The following TTC28 variants were observed in gnomAD, a reference collection of about 807,000 sequenced individuals.
TTC28 encodes the protein tetratricopeptide repeat protein 28.
Under a neutral mutation model 198.0 loss-of-function variants are expected in TTC28, and 61 were observed. The ratio of observed to expected loss-of-function variants is 0.31; its 90% CI spans 0.25 to 0.38. The LOEUF is 0.38. Among genes scored for constraint, TTC28 ranks in the 10% least tolerant of loss-of-function variants. The pLI is 1.00. For missense variants in TTC28, 2,678 were observed against 3,164.0 expected (o/e 0.85, Z 3.69); for synonymous variants, 1,171 against 1,297.8 (o/e 0.90, Z 2.10).
intron 2 of TTC28, among the ~76,000 whole-genome samples, chr22:28,354,344 C>A (rs1569278618): frequency 6.6e-6 from 1 of 151,322 alleles, no homozygotes; most frequent in African/African-American, 2.4e-5. Flanking sequence ...ATTATTCAGC[C>A]AAAAAAAATG....
At chr22:28,079,333 A>T (rs974755345) in intron 12 of TTC28, among the ~76,000 whole-genome samples, 2 of 150,560 alleles carry the variant, frequency 1.3e-5, no homozygotes, top group African/African-American at 5.0e-5. Flanking sequence ...GATTGATTAA[A>T]TATGTATTTT....
chr22:28,388,106 T>C (rs939913416), intron 2 of TTC28, among the ~76,000 whole-genome samples: 7 of 152,232 alleles, frequency 4.6e-5, no homozygotes, highest in African/African-American at 1.7e-4. Context: ...TAGGGAATCC[T>C]TTCCCCATTG....
chr22:28,030,481 TC>T, intron 12 of TTC28, 115 bp from the exon 13 acceptor site: 1 of 1,316,994 alleles, frequency 7.6e-7, no homozygotes, highest in Non-Finnish European at 1.0e-6. Context: ...TACCGTTGTC[TC>T]CAGATGACAG....
At chr22:28,428,876 G>A (rs547214366) in intron 2 of TTC28, among the ~76,000 whole-genome samples, 28 of 152,090 alleles carry the variant, frequency 1.8e-4, no homozygotes, top group African/African-American at 6.5e-4. Flanking sequence ...TCCTGACCTC[G>A]TGATCTGCCC....
At chr22:28,094,620 T>C (rs553313902) in intron 11 of TTC28, among the ~76,000 whole-genome samples, 40 of 152,290 alleles carry the variant, frequency 2.6e-4, no homozygotes, top group African/African-American at 9.6e-4. Context: ...CTTATAGAAA[T>C]TGAAATCCCA....
chr22:28,594,922 G>A (rs554390900), intron 2 of TTC28, among the ~76,000 whole-genome samples: 22 of 152,216 alleles, frequency 1.4e-4, no homozygotes, highest in African/African-American at 5.3e-4. Flanking sequence ...CTGCCTCCTG[G>A]GGGTTATAGT....
At chr22:28,638,744 A>AT (rs976931700) in intron 1 of TTC28, among the ~76,000 whole-genome samples, 52 of 152,266 alleles carry the variant, frequency 3.4e-4, no homozygotes, top group Non-Finnish European at 4.0e-4. Flanking sequence ...TAAAGACAAT[A>AT]TTTTTTTACC....
chr22:27,996,885 G>A (rs1255271353), intron 16 of TTC28, among the ~76,000 whole-genome samples: 1 of 152,084 alleles, frequency 6.6e-6, no homozygotes, highest in African/African-American at 2.4e-5. Flanking sequence ...TAACAAGAGA[G>A]CATCACTAAA....
chr22:28,093,618 G>A (rs955267477), intron 12 of TTC28, among the ~76,000 whole-genome samples: 1 of 152,098 alleles, frequency 6.6e-6, no homozygotes, highest in Non-Finnish European at 1.5e-5. Context: ...TCATATTTGA[G>A]AGTTCAGCTC....
intron 2 of TTC28, among the ~76,000 whole-genome samples, chr22:28,392,344 C>T (rs1198369005): frequency 6.6e-6 from 1 of 152,198 alleles, no homozygotes; most frequent in African/African-American, 2.4e-5. Flanking sequence ...GGCAGGCAGG[C>T]CTCCTTGAGT....
In TTC28 at chr22:28,105,818, C is replaced by T. The variant is rs201366902; in HGVS notation, c.2784-16G>A. 1.3e-6 allele frequency: 2 copies of T among 1,533,804 alleles called. No homozygotes were observed. The highest frequency in any genetic ancestry group is 1.8e-6 in the Non-Finnish European group (2 of 1,140,146). ...CCCCATTGCCCTGTGGGGATGTAGA[C>T]AGAAAAGCAATGATATTATTTCATG... is the stretch of plus-strand genomic sequence containing the variant. On this transcript the variant is annotated splice_polypyrimidine_tract_variant and intron_variant, in intron 7 of 22. Transcript: ENST00000397906.
chr22:28,390,216 T>A (rs1476520561), intron 2 of TTC28, among the ~76,000 whole-genome samples: 1 of 152,180 alleles, frequency 6.6e-6, no homozygotes, highest in Non-Finnish European at 1.5e-5. Context: ...GATAGTTTGT[T>A]ATAATTTCTG....
intron 2 of TTC28, among the ~76,000 whole-genome samples, chr22:28,392,684 C>T (rs2046749511): frequency 6.6e-6 from 1 of 152,164 alleles, no homozygotes; most frequent in Non-Finnish European, 1.5e-5. Flanking sequence ...TGAGGCAATG[C>T]CTCGCCCTGC....
intron 12 of TTC28, among the ~76,000 whole-genome samples, chr22:28,071,237 T>C (rs1940955538): frequency 6.6e-6 from 1 of 152,096 alleles, no homozygotes; most frequent in African/African-American, 2.4e-5. Flanking sequence ...ACTGGGTATA[T>C]ACCCAAATGA....
rs990475501 is a variant in TTC28 at position 28,163,172 on chromosome 22, T to A, written c.1361A>T (p.Lys454Ile). 29 of 1,551,612 alleles carry A rather than the reference T, an allele frequency of 1.9e-5. No homozygotes were observed. The highest frequency in any genetic ancestry group is 2.5e-5 in the Non-Finnish European group (29 of 1,147,006). The change falls in exon 6 of 23, where the codon AAA becomes ATA. Residue 454 changes from lysine to isoleucine, a missense_variant. Transcript: ENST00000397906. ...ARCMQDLERA[K>I]QYHEQQLGIA... ...GCCCAGCTGCTGCTCATGGTATTGT[T>A]TAGCTCTCTCCAAATCCTGCATGCA...
chr22:28,331,562 T>C (rs1391052450), intron 2 of TTC28, among the ~76,000 whole-genome samples: 1 of 152,094 alleles, frequency 6.6e-6, no homozygotes, highest in African/African-American at 2.4e-5. Context: ...CTAATACAGA[T>C]ACATAATCTA....
At chr22:28,037,546 C>A (rs1393867194) in intron 12 of TTC28, among the ~76,000 whole-genome samples, 1 of 152,142 alleles carries the variant, frequency 6.6e-6, no homozygotes, top group African/African-American at 2.4e-5. Flanking sequence ...TTATGACAAA[C>A]CCACAGCCAA....
At chr22:28,037,251 C>T (rs533675633) in intron 12 of TTC28, among the ~76,000 whole-genome samples, 3 of 152,250 alleles carry the variant, frequency 2.0e-5, no homozygotes, top group African/African-American at 7.2e-5. Context: ...TGACGACCAT[C>T]GACGCAAAAA....
At chr22:28,173,434 A>G (rs1922873893) in intron 5 of TTC28, among the ~76,000 whole-genome samples, 1 of 152,220 alleles carries the variant, frequency 6.6e-6, no homozygotes, top group African/African-American at 2.4e-5. Flanking sequence ...TGCTTCCCAC[A>G]GTGGAAATAC....
Sources: gnomAD v4.1 joint callset for allele counts (sites outside exome capture counted in the v4.1 genomes callset) on GRCh38, gnomAD v4.1.1 for gene constraint, MANE v1.5 for transcripts, NCBI Gene and HGNC (gene_info 2026-07-23, HGNC 2026-07-21) for gene names.